Variants in MAGI2 observed in about 807,000 individuals in gnomAD.
MAGI2 encodes membrane associated guanylate kinase, WW and PDZ domain containing 2.
Under a neutral mutation model 133.3 loss-of-function variants are expected in MAGI2, and 35 were observed. That is an observed-to-expected ratio of 0.26 (90% confidence interval 0.20 to 0.35). The LOEUF is 0.35. Ranked by LOEUF, MAGI2 falls within the 10% of genes least tolerant of loss-of-function variation. The pLI is 1.00. For synonymous variants in MAGI2, 729 were observed against 710.6 expected, an observed-to-expected ratio of 1.03 and a Z score of -0.41; for missense variants, 1,636 against 1,863.4, an observed-to-expected ratio of 0.88 and a Z score of 2.25.
intron 6 of MAGI2, among the ~76,000 whole-genome samples, chr7:78,481,824 G>GA (rs1039726448): frequency 6.6e-6 from 1 of 151,450 alleles, no homozygotes; most frequent in East Asian, 1.9e-4. Context: ...GAAAAAACAT[G>GA]AAAAAAAATT....
intron 9 of MAGI2, among the ~76,000 whole-genome samples, chr7:78,264,444 A>G (rs377126453): frequency 3.0e-4 from 45 of 152,142 alleles, no homozygotes; most frequent in African/African-American, 1.0e-3. Flanking sequence ...GTGAAAATTG[A>G]GAGATGAACT....
chr7:78,736,638 T>C (rs949593684), intron 2 of MAGI2, among the ~76,000 whole-genome samples: 2 of 152,146 alleles, frequency 1.3e-5, no homozygotes, highest in East Asian at 1.9e-4. Context: ...ACTAATACTT[T>C]ATTGTCCTCC....
Position 79,171,768 on chromosome 7 carries a change from A to T in MAGI2, c.302-164562T>A, listed in dbSNP as rs1368130346. On this transcript the variant is annotated intron_variant, in intron 1 of 21. Coordinates refer to ENST00000354212, the MANE Select transcript of MAGI2 (RefSeq NM_012301.4). ...AATATATATATATATATATATATAT[A>T]TATTTTTTTTTTTTTTTTCTTTTAA... Among the ~76,000 whole-genome samples the T allele has an allele frequency of 9.0e-3, 187 of 20,862 alleles. 10 individuals carry two copies. Among genetic ancestry groups the T allele is most frequent in the Non-Finnish European group, 0.017 (89 of 5,202 alleles). 13.7% of individuals were successfully genotyped at this position (20,862 alleles called of 152,430 possible).
intron 2 of MAGI2, among the ~76,000 whole-genome samples, chr7:78,953,993 G>A (rs1024322200): frequency 2.0e-5 from 3 of 152,178 alleles, no homozygotes; most frequent in African/African-American, 7.2e-5. Context: ...TTTTCAAATG[G>A]AACAATCCCT....
intron 2 of MAGI2, among the ~76,000 whole-genome samples, chr7:78,695,897 C>T (rs1817462947): frequency 6.6e-6 from 1 of 152,076 alleles, no homozygotes; most frequent in African/African-American, 2.4e-5. Flanking sequence ...TTTTAAAAGA[C>T]TTTTCTGTCT....
At chr7:79,070,585 G>A (rs182442992) in intron 1 of MAGI2, among the ~76,000 whole-genome samples, 6 of 151,726 alleles carry the variant, frequency 4.0e-5, no homozygotes, top group East Asian at 3.9e-4. Context: ...TCCACCTCCC[G>A]GGTTTACACC....
chr7:78,340,082 T>C (rs1177292351), intron 9 of MAGI2, among the ~76,000 whole-genome samples: 1 of 152,188 alleles, frequency 6.6e-6, no homozygotes, highest in Non-Finnish European at 1.5e-5. Context: ...CATAAGTGTA[T>C]TGGTCATAAA....
chr7:78,692,548 T>C (rs1361573787), intron 2 of MAGI2, among the ~76,000 whole-genome samples: 1 of 152,214 alleles, frequency 6.6e-6, no homozygotes, highest in Non-Finnish European at 1.5e-5. Flanking sequence ...TGTTAAGAGC[T>C]GCAAAGGGAG....
At chr7:78,625,945 C>G (rs1299534032) in intron 3 of MAGI2, among the ~76,000 whole-genome samples, 4 of 152,144 alleles carry the variant, frequency 2.6e-5, no homozygotes, top group African/African-American at 9.7e-5. Context: ...CTATGATATT[C>G]ACTCAATGAT....
chr7:79,070,734 A>G (rs4537229), intron 1 of MAGI2, among the ~76,000 whole-genome samples: 119,588 of 151,804 alleles, frequency 0.79, 48,185 homozygotes, highest in Non-Finnish European at 0.88. Context: ...CTTGTGATCC[A>G]CCCACCTCAG....
At position 78,205,071 on chromosome 7, in the gene MAGI2, A is replaced by G. The variant is rs571283003; in HGVS notation, c.2048-3878T>C. 1.1e-4 allele frequency among the ~76,000 whole-genome samples: 16 copies of G among 152,338 alleles called. No homozygotes were observed. In the East Asian group the frequency reaches 2.9e-3, roughly 28 times the overall value. On this transcript the variant is annotated intron_variant, in intron 10 of 21. Coordinates refer to ENST00000354212, the MANE Select transcript of MAGI2 (RefSeq NM_012301.4). ...TCCTGGTACTTGAAAATGACAGAAG[A>G]AAAAAGACAACACTGATTTCATTAT...
At chr7:78,151,931 G>A (rs979481283) in intron 16 of MAGI2, among the ~76,000 whole-genome samples, 2 of 151,902 alleles carry the variant, frequency 1.3e-5, no homozygotes, top group African/African-American at 2.4e-5. Flanking sequence ...CAGCCCCATC[G>A]ACATAAATGG....
intron 9 of MAGI2, among the ~76,000 whole-genome samples, chr7:78,320,505 G>A (rs549006449): frequency 6.6e-5 from 10 of 152,180 alleles, no homozygotes; most frequent in Admixed American, 1.3e-4. Context: ...CACATAAGCC[G>A]AACCAATGAC....
chr7:78,086,389 C>A (rs1422940685), intron 20 of MAGI2, among the ~76,000 whole-genome samples: 1 of 150,112 alleles, frequency 6.7e-6, no homozygotes, highest in Non-Finnish European at 1.5e-5. Context: ...AGGCGCACTC[C>A]ACCACGCTTG....
Position 79,216,981 on chromosome 7 carries a change from A to G in MAGI2, c.302-209775T>C, listed in dbSNP as rs1031874003. On this transcript the variant is annotated intron_variant, in intron 1 of 21. Coordinates refer to ENST00000354212, the MANE Select transcript of MAGI2 (RefSeq NM_012301.4). ...CCAATATTCATTTGTTAGAAACATC[A>G]TTGTTAATTGACAAATAAAAGCACG... Among the ~76,000 whole-genome samples, 3 of 152,110 alleles carry G rather than the reference A, an allele frequency of 2.0e-5. 1 individual carries two copies. The highest frequency in any genetic ancestry group is 7.3e-5 in the African/African-American group (3 of 41,356).
At chr7:78,236,166 T>C (rs1790519625) in intron 10 of MAGI2, among the ~76,000 whole-genome samples, 1 of 152,058 alleles carries the variant, frequency 6.6e-6, no homozygotes, top group Non-Finnish European at 1.5e-5. Context: ...GAACAAGAAC[T>C]TATCTTGTTA....
At chr7:78,645,529 A>G (rs943808586) in intron 2 of MAGI2, among the ~76,000 whole-genome samples, 4 of 152,158 alleles carry the variant, frequency 2.6e-5, no homozygotes, top group Admixed American at 1.3e-4. Context: ...ATAATTCACC[A>G]TATCAACAAA....
chr7:79,350,472 G>A (rs1474730893), intron 1 of MAGI2, among the ~76,000 whole-genome samples: 1 of 152,088 alleles, frequency 6.6e-6, no homozygotes, highest in Non-Finnish European at 1.5e-5. Context: ...AAAAATTGCT[G>A]TGAGAAAAGT....
intron 2 of MAGI2, among the ~76,000 whole-genome samples, chr7:78,841,009 T>G (rs1272380586): frequency 6.6e-6 from 1 of 152,070 alleles, no homozygotes; most frequent in African/African-American, 2.4e-5. Flanking sequence ...CATTTTCAAC[T>G]TCTCCATCTT....
Sources: gnomAD v4.1 joint callset for allele counts (sites outside exome capture counted in the v4.1 genomes callset) on GRCh38, gnomAD v4.1.1 for gene constraint, MANE v1.5 for transcripts, NCBI Gene and HGNC (gene_info 2026-07-23, HGNC 2026-07-21) for gene names.